The following BCAS1 variants were observed in gnomAD, a reference collection of about 807,000 sequenced individuals.
BCAS1 encodes breast carcinoma-amplified sequence 1.
Under a neutral mutation model 65.4 loss-of-function variants are expected in BCAS1, and 46 were observed. The observed-to-expected ratio is 0.70, with a 90% CI of 0.55 to 0.90. The LOEUF (loss-of-function observed/expected upper bound fraction) is 0.90, where lower values mean the gene tolerates loss of function less well. Among genes scored for constraint, BCAS1 ranks in the 40% least tolerant of loss-of-function variants. The pLI, the probability that BCAS1 is intolerant of heterozygous loss-of-function variation, is 0.00. For synonymous variants in BCAS1, 298 were observed against 293.5 expected, an observed-to-expected ratio of 1.02 and a Z score of -0.16; for missense variants, 793 against 771.2, an observed-to-expected ratio of 1.03 and a Z score of -0.33.
intron 3 of BCAS1, among the ~76,000 whole-genome samples, chr20:54,055,345 A>ACTCC (rs2092281348): frequency 6.6e-6 from 1 of 152,204 alleles, no homozygotes; most frequent in Non-Finnish European, 1.5e-5. Context: ...GGACTTACAG[A>ACTCC]TCCATATGGC....
chr20:54,062,651 G>A (rs77725906), intron 1 of BCAS1, among the ~76,000 whole-genome samples: 86 of 152,324 alleles, frequency 5.6e-4, no homozygotes, highest in African/African-American at 1.9e-3. Flanking sequence ...GCTGGAAGAC[G>A]CATGGTGTAC....
chr20:53,996,301 C>A (rs372041246), intron 4 of BCAS1, among the ~76,000 whole-genome samples: 2 of 152,006 alleles, frequency 1.3e-5, no homozygotes, highest in East Asian at 1.9e-4. Flanking sequence ...CACAGCAGTG[C>A]ACGTTGCATT....
intron 1 of BCAS1, among the ~76,000 whole-genome samples, chr20:54,065,921 G>A (rs766222038): frequency 3.3e-5 from 5 of 152,158 alleles, no homozygotes; most frequent in Admixed American, 1.3e-4. Flanking sequence ...GAGATAAGCT[G>A]TTAGTATAAG....
At chr20:54,062,684 C>T (rs539810735) in intron 1 of BCAS1, among the ~76,000 whole-genome samples, 1 of 152,328 alleles carries the variant, frequency 6.6e-6, no homozygotes, top group South Asian at 2.1e-4. Context: ...GAAGATTTTT[C>T]TTCCCACAGA....
At chr20:53,972,040 G>A (rs2090192852) in intron 9 of BCAS1, among the ~76,000 whole-genome samples, 1 of 152,146 alleles carries the variant, frequency 6.6e-6, no homozygotes, top group African/African-American at 2.4e-5. Context: ...GAGAAATGTT[G>A]ACATCACTCT....
intron 6 of BCAS1, 122 bp downstream of exon 6, chr20:53,994,888 TAC>T (rs11471603): frequency 0.039 from 21,304 of 540,974 alleles, 92 homozygotes; most frequent in African/African-American, 0.058. Flanking sequence ...ATAGATATGA[TAC>T]ACACACACAC....
At chr20:54,028,356 A>G (rs1241074283) in intron 4 of BCAS1, 36 bp downstream of exon 4, 1 of 1,611,052 alleles carries the variant, frequency 6.2e-7, no homozygotes, top group Non-Finnish European at 8.5e-7. Flanking sequence ...CCGAGCATGC[A>G]TTCAGAACCA....
intron 3 of BCAS1, among the ~76,000 whole-genome samples, chr20:54,050,769 T>C (rs1054729055): frequency 3.4e-5 from 5 of 148,912 alleles, no homozygotes; most frequent in African/African-American, 1.0e-4. Context: ...AGTGAGAAGA[T>C]GACTCTGGGG....
chr20:54,028,255 T>C, intron 4 of BCAS1, 137 bp downstream of exon 4: 1 of 788,278 alleles, frequency 1.3e-6, no homozygotes, highest in Non-Finnish European at 2.2e-6. Flanking sequence ...TGCTGCAATG[T>C]GCTATTTGTT....
chr20:54,037,545 C>T (rs1309824957), intron 3 of BCAS1, among the ~76,000 whole-genome samples: 2 of 151,398 alleles, frequency 1.3e-5, no homozygotes, highest in Non-Finnish European at 3.0e-5. Context: ...TAACAAGAGG[C>T]ATTTTATTTA....
chr20:54,002,245 C>A (rs545993671), intron 4 of BCAS1, among the ~76,000 whole-genome samples: 11 of 152,286 alleles, frequency 7.2e-5, no homozygotes, highest in East Asian at 5.8e-4. Flanking sequence ...GTTCCTCCCC[C>A]CTAGGCTATG....
Position 53,996,015 on chromosome 20 carries a change from T to G in BCAS1, c.759A>C (p.Glu253Asp), listed in dbSNP as rs1483620083. 6.2e-7 allele frequency: 1 copy of G among 1,607,990 alleles called. No individual in the cohort carries two copies. Among genetic ancestry groups the G allele is most frequent in the Admixed American group, 1.7e-5 (1 of 58,758 alleles). ...IVDGKEKEGQELGTADCSVPG... is the reference protein window; with the variant it reads ...IVDGKEKEGQDLGTADCSVPG... ...GGACAGAGCAATCCGCAGTTCCAAG[T>G]TCTTGTCCTTCTTTTTCCTTGCCGT... The change falls in exon 5 of 13, where the codon GAA becomes GAC. Residue 253 changes from glutamate to aspartate, a missense_variant. Coordinates refer to ENST00000688948, the MANE Select transcript of BCAS1 (RefSeq NM_001366298.2).
At chr20:53,996,604 G>A (rs534951704) in intron 4 of BCAS1, among the ~76,000 whole-genome samples, 5 of 152,194 alleles carry the variant, frequency 3.3e-5, no homozygotes, top group Admixed American at 6.5e-5. Flanking sequence ...CCTCAGGAGG[G>A]TAGGATGCGT....
chr20:53,946,190 C>A (rs1332114527), intron 12 of BCAS1, among the ~76,000 whole-genome samples: 1 of 152,066 alleles, frequency 6.6e-6, no homozygotes, highest in East Asian at 1.9e-4. Context: ...AAATAGCCCC[C>A]TAAAACCACC....
intron 11 of BCAS1, among the ~76,000 whole-genome samples, chr20:53,953,982 A>G (rs1470668127): frequency 2.6e-5 from 4 of 152,086 alleles, no homozygotes; most frequent in Non-Finnish European, 5.9e-5. Context: ...TTGGGGAAAC[A>G]CCCTTCTTCC....
At chr20:53,973,761 C>A (rs1308297203) in intron 9 of BCAS1, among the ~76,000 whole-genome samples, 2 of 151,966 alleles carry the variant, frequency 1.3e-5, no homozygotes, top group Non-Finnish European at 2.9e-5. Context: ...TGATGAGAGA[C>A]CTGAGCTTTG....
chr20:54,024,629 T>G (rs554418179), intron 4 of BCAS1, among the ~76,000 whole-genome samples: 1 of 152,200 alleles, frequency 6.6e-6, no homozygotes, highest in Admixed American at 6.5e-5. Context: ...AGCCAAGAAG[T>G]GAACCCTGGG....
chr20:54,064,046 C>A (rs459113), intron 1 of BCAS1, among the ~76,000 whole-genome samples: 72,542 of 151,982 alleles, frequency 0.48, 18,500 homozygotes, highest in African/African-American at 0.66. Context: ...TGGCACTTTG[C>A]CACTGGGGGT....
intron 3 of BCAS1, among the ~76,000 whole-genome samples, chr20:54,049,439 A>T (rs557044630): frequency 9.9e-5 from 15 of 152,214 alleles, no homozygotes; most frequent in African/African-American, 3.4e-4. Context: ...AAGAAGGCCA[A>T]AAATCAGGCA....
Sources: allele counts gnomAD v4.1 joint callset (sites outside exome capture counted in the v4.1 genomes callset), GRCh38; gene constraint gnomAD v4.1.1; transcripts MANE v1.5; gene names NCBI Gene and HGNC (gene_info 2026-07-23, HGNC 2026-07-21).